Variants in SLC39A14 observed in about 807,000 individuals in gnomAD.
SLC39A14 encodes metal cation symporter ZIP14.
SLC39A14 carries 19 observed loss-of-function variants against 45.5 expected under a neutral mutation model. The observed-to-expected ratio is 0.42, with a 90% CI of 0.29 to 0.61. The LOEUF is 0.61. Among genes scored for constraint, SLC39A14 ranks in the 20% least tolerant of loss-of-function variants. The probability of loss-of-function intolerance (pLI) is 0.22; values close to 1 mark genes in which losing one functional copy is unlikely to be tolerated. For missense variants in SLC39A14, 447 were observed against 616.5 expected (o/e 0.73, Z 2.91); for synonymous variants, 264 against 251.3 (o/e 1.05, Z -0.48).
chr8:22,369,903 T>G (rs1832838538), intron 1 of SLC39A14, among the ~76,000 whole-genome samples: 1 of 152,050 alleles, frequency 6.6e-6, no homozygotes, highest in African/African-American at 2.4e-5. Context: ...AGGCGTAGGG[T>G]TGATTCATCT....
intron 2 of SLC39A14, among the ~76,000 whole-genome samples, chr8:22,406,186 C>T (rs1835198086): frequency 6.6e-6 from 1 of 152,184 alleles, no homozygotes; most frequent in Non-Finnish European, 1.5e-5. Context: ...CTGTGGCTCA[C>T]GCCTGTAATC....
At chr8:22,407,492 C>G (rs1400857313) in intron 2 of SLC39A14, among the ~76,000 whole-genome samples, 1 of 151,200 alleles carries the variant, frequency 6.6e-6, no homozygotes, top group Non-Finnish European at 1.5e-5. Context: ...TCCCGAGTAG[C>G]TGGGATTACA....
intron 8 of SLC39A14, among the ~76,000 whole-genome samples, chr8:22,430,175 A>T (rs1478103347): frequency 6.6e-6 from 1 of 152,094 alleles, no homozygotes; most frequent in Non-Finnish European, 1.5e-5. Context: ...GTCAGAGGTC[A>T]CTGCAGCTTC....
chr8:22,385,687 G>A (rs1051160112), intron 1 of SLC39A14, among the ~76,000 whole-genome samples: 11 of 152,172 alleles, frequency 7.2e-5, no homozygotes, highest in Admixed American at 6.5e-4. Flanking sequence ...TATAGACCAG[G>A]AAGAGGAGTT....
At chr8:22,380,985 T>G (rs575688232) in intron 1 of SLC39A14, among the ~76,000 whole-genome samples, 1 of 149,684 alleles carries the variant, frequency 6.7e-6, no homozygotes, top group African/African-American at 2.5e-5. Flanking sequence ...CTCTGAATTT[T>G]TTTTTTTATA....
Position 22,419,641 on chromosome 8 carries a change from T to A in SLC39A14, c.1422T>A (p.Thr474=). ...PFIIQNLGLL[T]GFTIMVVLTM... ...TCATCCAGAACCTGGGCCTCCTGAC[T>A]GGATTCACCATCATGGTGGTCCTCA... The change falls in exon 9 of 9, where the codon ACT becomes ACA. Residue 474 remains threonine, a synonymous_variant. Transcript: ENST00000381237. The A allele has an allele frequency of 2.5e-6, 4 of 1,614,150 alleles. No individual in the cohort carries two copies. The highest frequency in any genetic ancestry group is 3.4e-6 in the Non-Finnish European group (4 of 1,179,992).
chr8:22,400,369 G>A (rs1195526295), intron 1 of SLC39A14, among the ~76,000 whole-genome samples: 1 of 152,162 alleles, frequency 6.6e-6, no homozygotes, highest in Non-Finnish European at 1.5e-5. Flanking sequence ...GTCTGCAATC[G>A]GTAAATGCTA....
chr8:22,379,701 C>G (rs1027635935), intron 1 of SLC39A14, among the ~76,000 whole-genome samples: 1 of 152,012 alleles, frequency 6.6e-6, no homozygotes, highest in South Asian at 2.1e-4. Context: ...GAGGCCGAGG[C>G]GGGTGGATCA....
intron 1 of SLC39A14, among the ~76,000 whole-genome samples, chr8:22,395,734 C>T (rs7823387): frequency 0.03 from 4,626 of 152,158 alleles, 222 homozygotes; most frequent in African/African-American, 0.1. Context: ...GTTATTCCTC[C>T]GTGTGGAGCA....
Position 22,407,270 on chromosome 8 carries a change from TA to T in SLC39A14, c.271-1038del, listed in dbSNP as rs552997710. On this transcript the variant is annotated intron_variant, in intron 2 of 8. Coordinates refer to ENST00000381237, the MANE Select transcript of SLC39A14 (RefSeq NM_001128431.4). ...AGAGAAGTAGCTGGAACCCGCATTTTAACATAATAGCTCCCTGGGCTATTGT... is the reference window on the plus strand; with the variant it reads ...AGAGAAGTAGCTGGAACCCGCATTTTACATAATAGCTCCCTGGGCTATTGT... 1.8e-4 allele frequency among the ~76,000 whole-genome samples: 28 copies of T among 152,334 alleles called. No homozygotes were observed. In the South Asian group the frequency reaches 5.8e-3, roughly 32 times the overall value.
intron 8 of SLC39A14, among the ~76,000 whole-genome samples, chr8:22,431,234 G>C (rs1224689762): frequency 6.6e-6 from 1 of 151,224 alleles, no homozygotes; most frequent in East Asian, 2.0e-4. Flanking sequence ...TGATCCACCT[G>C]CCTCAGCCTC....
chr8:22,371,015 T>A (rs906956533), intron 1 of SLC39A14, among the ~76,000 whole-genome samples: 2 of 152,088 alleles, frequency 1.3e-5, no homozygotes, highest in African/African-American at 4.8e-5. Flanking sequence ...CACTATCTTG[T>A]TCCCCCCTCC....
chr8:22,378,797 A>G (rs1301581000), intron 1 of SLC39A14, among the ~76,000 whole-genome samples: 1 of 152,172 alleles, frequency 6.6e-6, no homozygotes, highest in African/African-American at 2.4e-5. Context: ...GCCCATACAC[A>G]GCAATGAGGG....
chr8:22,416,198 C>T lies in SLC39A14; in HGVS notation c.1065C>T (p.Ile355=), dbSNP rs763084858. Residue 355 remains isoleucine, a synonymous_variant, in exon 7 of 9, where the codon ATC becomes ATT. Coordinates refer to ENST00000381237, the MANE Select transcript of SLC39A14 (RefSeq NM_001128431.4). ...ATAATTTCATCGATGGCCTGGCCAT[C>T]GGTGCTTCCTTCACTGTGTCAGTTT... ...GLHNFIDGLA[I]GASFTVSVFQ... is the part of the protein sequence containing the mutation. 8.7e-6 allele frequency: 14 copies of T among 1,613,884 alleles called. No homozygotes were observed. Among genetic ancestry groups the T allele is most frequent in the South Asian group, 6.6e-5 (6 of 91,078 alleles).
chr8:22,414,144 C>G (rs1835740179), intron 4 of SLC39A14, among the ~76,000 whole-genome samples: 1 of 152,120 alleles, frequency 6.6e-6, no homozygotes, highest in Non-Finnish European at 1.5e-5. Context: ...GATTTCTACT[C>G]CTGTCCTCTT....
At chr8:22,390,260 G>A (rs562196465) in intron 1 of SLC39A14, 14 of 151,902 alleles carry the variant, frequency 9.2e-5, no homozygotes, top group African/African-American at 2.4e-4. Context: ...CCTTGTATGT[G>A]GTCAAAGGAA....
In SLC39A14 at chr8:22,419,793, G is replaced by T; in HGVS notation, c.*95G>T. 6.8e-7 allele frequency: 1 copy of T among 1,466,018 alleles called. No homozygotes were observed. 90.8% of individuals were successfully genotyped at this position (1,466,018 alleles called of 1,614,324 possible). A position where few individuals can be genotyped will look rare whatever the true frequency, so the allele number is the denominator to read the frequency against. On this transcript the variant is annotated 3_prime_UTR_variant, in exon 9 of 9. Coordinates refer to ENST00000381237, the MANE Select transcript of SLC39A14 (RefSeq NM_001128431.4). ...CCATCCACAATGCACCACGGAAGAGGCCGTTCTATGAAAAACTGACACAGA... is the reference window on the plus strand; with the variant it reads ...CCATCCACAATGCACCACGGAAGAGTCCGTTCTATGAAAAACTGACACAGA...
Position 22,421,479 on chromosome 8 carries a change from C to G in SLC39A14, c.*1781C>G. On this transcript the variant is annotated 3_prime_UTR_variant, in exon 9 of 9. Coordinates refer to ENST00000381237, the MANE Select transcript of SLC39A14 (RefSeq NM_001128431.4). ...GTGATGGAGATTCTAGATTAAATATCAGGACTGATTTCCTGGTGGGATTAT... is the reference window on the plus strand; with the variant it reads ...GTGATGGAGATTCTAGATTAAATATGAGGACTGATTTCCTGGTGGGATTAT... 3.1e-6 allele frequency: 3 copies of G among 975,428 alleles called. No homozygotes were observed. The highest frequency in any genetic ancestry group is 3.6e-6 in the Non-Finnish European group (3 of 825,774). 60.4% of individuals were successfully genotyped at this position (975,428 alleles called of 1,614,324 possible). A position where few individuals can be genotyped will look rare whatever the true frequency, so the allele number is the denominator to read the frequency against.
intron 2 of SLC39A14, 58 bp downstream of exon 2, chr8:22,405,038 T>A: frequency 3.2e-6 from 5 of 1,556,338 alleles, no homozygotes; most frequent in Non-Finnish European, 4.4e-6. Context: ...CCTCTCAGGG[T>A]TCCCTGTCTA....
Sources: gnomAD v4.1 joint callset for allele counts (sites outside exome capture counted in the v4.1 genomes callset) on GRCh38, gnomAD v4.1.1 for gene constraint, MANE v1.5 for transcripts, NCBI Gene and HGNC (gene_info 2026-07-23, HGNC 2026-07-21) for gene names.